The following SPPL2C variants were observed in gnomAD, a reference collection of about 807,000 sequenced individuals.
SPPL2C encodes signal peptide peptidase-like 2C.
Under a neutral mutation model 38.8 loss-of-function variants are expected in SPPL2C, and 33 were observed. That is an observed-to-expected ratio of 0.85 (90% confidence interval 0.64 to 1.14). SPPL2C has a LOEUF of 1.14. Ranked by LOEUF, SPPL2C falls within the 50% of genes most tolerant of loss-of-function variation. The pLI is 0.00. For missense variants in SPPL2C, 899 were observed against 904.4 expected (o/e 0.99, Z 0.08); for synonymous variants, 384 against 390.7 (o/e 0.98, Z 0.20).
Position 45,846,257 on chromosome 17 carries a change from G to A in SPPL2C, c.1351G>A (p.Val451Ile). The change falls in exon 1 of 1, where the codon GTC becomes ATC. Residue 451 changes from valine (V) to isoleucine (I), a missense_variant. Transcript: ENST00000329196. Reference protein sequence around the residue: ...FSILGFGDIVVPGFLVAYCCR... With the variant: ...FSILGFGDIVIPGFLVAYCCR... ...CATCCTTGGCTTCGGTGACATTGTG[G>A]TCCCCGGCTTCCTGGTTGCTTACTG... 6.2e-7 allele frequency: 1 copy of A among 1,614,114 alleles called. No individual in the cohort carries two copies.
Position 45,846,895 on chromosome 17 carries a change from G to A in SPPL2C, c.1989G>A (p.Trp663Ter). The A allele has an allele frequency of 1.2e-6, 2 of 1,604,640 alleles. No homozygotes were observed. Among genetic ancestry groups the A allele is most frequent in the Non-Finnish European group, 1.7e-6 (2 of 1,174,912 alleles). ...AGGCCCACGAGACTGGCCTGCCCTGGGCGGGACTCCACAAGAGGAAGGGTT... is the reference window on the plus strand; with the variant it reads ...AGGCCCACGAGACTGGCCTGCCCTGAGCGGGACTCCACAAGAGGAAGGGTT... ...QAQAHETGLP[W>*]AGLHKRKGLK... The change falls in exon 1 of 1, where the codon TGG becomes TGA. Residue 663 changes from tryptophan to a stop codon, truncating the protein, a stop_gained. Transcript: ENST00000329196. LOFTEE classifies it high-confidence loss of function.
chr17:45,845,497 A>G lies in SPPL2C; in HGVS notation c.591A>G (p.Thr197=), dbSNP rs950773384. 6.2e-7 allele frequency: 1 copy of G among 1,605,130 alleles called. No homozygotes were observed. The highest frequency in any genetic ancestry group is 1.3e-5 in the African/African-American group (1 of 74,890). Reference sequence around the variant, plus strand: ...TCATCTTCATCCTGGCTGTGGGCACAGTGGCTGCAGGCGGCTACTGGGCCG... The same window carrying G: ...TCATCTTCATCCTGGCTGTGGGCACGGTGGCTGCAGGCGGCTACTGGGCCG... ...MLVIFILAVG[T]VAAGGYWAGL... The change falls in exon 1 of 1, where the codon ACA becomes ACG. Residue 197 remains threonine, a synonymous_variant. Coordinates refer to ENST00000329196, the MANE Select transcript of SPPL2C (RefSeq NM_175882.3).
chr17:45,845,908 G>A lies in SPPL2C; in HGVS notation c.1002G>A (p.Val334=), dbSNP rs950020106. Residue 334 remains valine (V), a synonymous_variant, in exon 1 of 1, where the codon GTG becomes GTA. Transcript: ENST00000329196. ...TGCTGGCGAGCCTGTGCGCAACCGT[G>A]ATCATCTTCTGGGTGGCCTACCGCA... ...LLLLASLCAT[V]IIFWVAYRNE... 3 of 1,607,140 alleles carry A rather than the reference G, an allele frequency of 1.9e-6. No individual in the cohort carries two copies. In the African/African-American group the frequency reaches 4.0e-5, roughly 21 times the overall value.
rs374517156 is a variant in SPPL2C at position 45,845,200 on chromosome 17, G to A, written c.294G>A (p.Arg98=). 1 of 1,613,846 alleles carries A rather than the reference G, an allele frequency of 6.2e-7. No homozygotes were observed. The highest frequency in any genetic ancestry group is 8.5e-7 in the Non-Finnish European group (1 of 1,179,880). ...PLRQTTAMVM[R]GNCSFHTKGW... ...GCCAGACCACTGCCATGGTCATGAGGGGTAACTGCAGCTTCCACACGAAAG... is the reference window on the plus strand; with the variant it reads ...GCCAGACCACTGCCATGGTCATGAGAGGTAACTGCAGCTTCCACACGAAAG... Residue 98 remains arginine (R), a synonymous_variant, in exon 1 of 1, where the codon AGG becomes AGA. Transcript: ENST00000329196.
In SPPL2C at chr17:45,845,935, T is replaced by G. The variant is rs768773015; in HGVS notation, c.1029T>G (p.Asn343Lys). 8 of 1,609,226 alleles carry G rather than the reference T, an allele frequency of 5.0e-6. No individual in the cohort carries two copies. The highest frequency in any genetic ancestry group is 6.8e-6 in the Non-Finnish European group (8 of 1,180,002). Residue 343 changes from asparagine (N) to lysine (K), a missense_variant, in exon 1 of 1, where the codon AAT becomes AAG. By Grantham distance (94) the Asn-to-Lys change is moderately conservative. Transcript: ENST00000329196. ...TVIIFWVAYR[N>K]EDRWAWLLQD... is the part of the protein sequence containing the mutation. ...TCATCTTCTGGGTGGCCTACCGCAATGAGGACCGCTGGGCGTGGCTCCTGC... is the reference window on the plus strand; with the variant it reads ...TCATCTTCTGGGTGGCCTACCGCAAGGAGGACCGCTGGGCGTGGCTCCTGC...
At position 45,845,123 on chromosome 17, in the gene SPPL2C, G is replaced by A. The variant is rs144539755; in HGVS notation, c.217G>A (p.Glu73Lys). ...DGTKAPWCPG[E>K]DSPHQAQLRS... Reference sequence around the variant, plus strand: ...CACCAAGGCACCCTGGTGCCCGGGTGAGGATTCCCCCCACCAGGCCCAGCT... The same window carrying A: ...CACCAAGGCACCCTGGTGCCCGGGTAAGGATTCCCCCCACCAGGCCCAGCT... Residue 73 changes from glutamate (E) to lysine (K), a missense_variant, in exon 1 of 1, where the codon GAG becomes AAG. Coordinates refer to ENST00000329196, the MANE Select transcript of SPPL2C (RefSeq NM_175882.3). 40 of 1,610,956 alleles carry A rather than the reference G, an allele frequency of 2.5e-5. No homozygotes were observed. The African/African-American group carries it at 4.4e-4, about 18-fold the overall frequency.
rs1230675606 is a variant in SPPL2C, at chr17:45,846,576, C to T, written c.1670C>T (p.Thr557Ile). The part of the protein sequence containing the change: ...QKQEGAADAH[T>I]ASTLERGTSR... ...CAGGAGGGCGCAGCAGATGCCCACA[C>T]AGCCAGCACACTTGAGAGAGGCACC... The change falls in exon 1 of 1, where the codon ACA becomes ATA. Residue 557 changes from threonine (T) to isoleucine (I), a missense_variant. Thr to Ile is a moderately conservative substitution (Grantham distance 89, BLOSUM62 -1). Transcript: ENST00000329196. 1 of 1,613,660 alleles carries T rather than the reference C, an allele frequency of 6.2e-7. No individual in the cohort carries two copies. Among genetic ancestry groups the T allele is most frequent in the Non-Finnish European group, 8.5e-7 (1 of 1,180,026 alleles).
chr17:45,844,884 T>C lies in SPPL2C; in HGVS notation c.-23T>C, dbSNP rs1166904319. The C allele has an allele frequency of 1.9e-6, 3 of 1,577,810 alleles. No individual in the cohort carries two copies. The highest frequency in any genetic ancestry group is 1.7e-5 in the Admixed American group (1 of 58,184). On this transcript the variant is annotated 5_prime_UTR_variant, in exon 1 of 1. An upstream start codon of the reference 5' UTR is lost. Coordinates refer to ENST00000329196, the MANE Select transcript of SPPL2C (RefSeq NM_175882.3). The stretch of plus-strand genomic sequence containing the variant: ...GGGGTATTGGGCTGCCGCCCGCAGA[T>C]GTTGCAGTAGGAACTGAAGAAGATG...
rs2062533123 is a variant in SPPL2C, at chr17:45,845,591, C to T, written c.685C>T (p.Gln229Ter). ...RRGGGSGGHHQLQEAAAAEGA... is the reference protein window; with the variant it reads ...RRGGGSGGHH Reference sequence around the variant, plus strand: ...AGGAGGGGGGTCTGGTGGTCACCATCAGCTGCAGGAAGCTGCAGCAGCTGA... The same window carrying T: ...AGGAGGGGGGTCTGGTGGTCACCATTAGCTGCAGGAAGCTGCAGCAGCTGA... The change falls in exon 1 of 1, where the codon CAG (glutamine) becomes TAG (stop). Residue 229 changes from glutamine to a stop codon, truncating the protein, a stop_gained. Coordinates refer to ENST00000329196, the MANE Select transcript of SPPL2C (RefSeq NM_175882.3). LOFTEE classifies it high-confidence loss of function. 6.2e-7 allele frequency: 1 copy of T among 1,608,362 alleles called. No homozygotes were observed.
In SPPL2C at chr17:45,845,112, G is replaced by A; in HGVS notation, c.206G>A (p.Trp69Ter). ...LPLYDGTKAP[W>*]CPGEDSPHQA... ...CTGTATGATGGCACCAAGGCACCCT[G>A]GTGCCCGGGTGAGGATTCCCCCCAC... is the stretch of plus-strand genomic sequence containing the variant. Residue 69 changes from tryptophan to a stop codon, truncating the protein, a stop_gained, in exon 1 of 1, where the codon TGG (tryptophan) becomes TAG (stop). Transcript: ENST00000329196. LOFTEE classifies it high-confidence loss of function. The A allele has an allele frequency of 1.2e-6, 2 of 1,612,190 alleles. No individual in the cohort carries two copies. The highest frequency in any genetic ancestry group is 1.7e-6 in the Non-Finnish European group (2 of 1,178,548).
chr17:45,846,296 G>GTGCAA lies in SPPL2C; in HGVS notation c.1391_1395dup (p.Val466CysfsTer41). ...GGTTGCTTACTGTTGCCGCTTTGATGTGCAAGTCTGCTCCCGTCAGATCTA... is the reference window on the plus strand; with the variant it reads ...GGTTGCTTACTGTTGCCGCTTTGATGTGCAATGCAAGTCTGCTCCCGTCAGATCTA... On this transcript the variant is annotated frameshift_variant, in exon 1 of 1. Coordinates refer to ENST00000329196, the MANE Select transcript of SPPL2C (RefSeq NM_175882.3). LOFTEE classifies it high-confidence loss of function. 1 of 1,614,092 alleles carries GTGCAA rather than the reference G, an allele frequency of 6.2e-7. No homozygotes were observed. Among genetic ancestry groups the GTGCAA allele is most frequent in the Non-Finnish European group, 8.5e-7 (1 of 1,180,036 alleles).
At position 45,845,302 on chromosome 17, in the gene SPPL2C, C is replaced by T. The variant is rs752458423; in HGVS notation, c.396C>T (p.Thr132=). 6.2e-6 allele frequency: 10 copies of T among 1,614,012 alleles called. No individual in the cohort carries two copies. The highest frequency in any genetic ancestry group is 8.5e-6 in the Non-Finnish European group (10 of 1,180,008). Residue 132 remains threonine, a synonymous_variant, in exon 1 of 1, where the codon ACC becomes ACT. Coordinates refer to ENST00000329196, the MANE Select transcript of SPPL2C (RefSeq NM_175882.3). ...TCAGTGACCAACAGTGCTCAGACAC[C>T]ACCCTGGCACCCCAGGATCCCCGCC... ...SRVSDQQCSD[T]TLAPQDPRQP...
chr17:45,845,475 T>C lies in SPPL2C; in HGVS notation c.569T>C (p.Ile190Thr). 1 of 1,608,590 alleles carries C rather than the reference T, an allele frequency of 6.2e-7. No homozygotes were observed. The highest frequency in any genetic ancestry group is 8.5e-7 in the Non-Finnish European group (1 of 1,179,040). ...ATCATCGACTACAACATGCTGGTCATCTTCATCCTGGCTGTGGGCACAGTG... is the reference window on the plus strand; with the variant it reads ...ATCATCGACTACAACATGCTGGTCACCTTCATCCTGGCTGTGGGCACAGTG... Reference protein sequence around the residue: ...EPIIDYNMLVIFILAVGTVAA... With the variant: ...EPIIDYNMLVTFILAVGTVAA... The change falls in exon 1 of 1, where the codon ATC (isoleucine) becomes ACC (threonine). Residue 190 changes from isoleucine (I) to threonine (T), a missense_variant. Physicochemically the swap from Ile to Thr is moderately conservative, Grantham distance 89. Coordinates refer to ENST00000329196, the MANE Select transcript of SPPL2C (RefSeq NM_175882.3).
Position 45,846,772 on chromosome 17 carries a change from G to A in SPPL2C, c.1866G>A (p.Ser622=), listed in dbSNP as rs148579659. 3.0e-5 allele frequency: 49 copies of A among 1,614,128 alleles called. No homozygotes were observed. In the African/African-American group the frequency reaches 5.5e-4, roughly 18 times the overall value. ...NELPFIPPGA[S]EELMPLMPMA... ...TGCCCTTCATCCCCCCTGGGGCCTC[G>A]GAGGAGCTGATGCCACTGATGCCAA... The change falls in exon 1 of 1, where the codon TCG becomes TCA. Residue 622 remains serine, a synonymous_variant. Transcript: ENST00000329196.
In SPPL2C at chr17:45,846,383, C is replaced by T. The variant is rs1390709444; in HGVS notation, c.1477C>T (p.Leu493Phe). 2.5e-6 allele frequency: 4 copies of T among 1,613,754 alleles called. No homozygotes were observed. The highest frequency in any genetic ancestry group is 3.4e-6 in the Non-Finnish European group (4 of 1,180,046). ...GCTGGTCACATTCATGGCCATGGTC[C>T]TCATGCAGATGGGCCAACCTGCCTT... ...GLLVTFMAMVLMQMGQPALLY... is the reference protein window; with the variant it reads ...GLLVTFMAMVFMQMGQPALLY... Residue 493 changes from leucine to phenylalanine, a missense_variant, in exon 1 of 1, where the codon CTC (leucine) becomes TTC (phenylalanine). Coordinates refer to ENST00000329196, the MANE Select transcript of SPPL2C (RefSeq NM_175882.3).
At position 45,845,282 on chromosome 17, in the gene SPPL2C, G is replaced by A. The variant is rs776433915; in HGVS notation, c.376G>A (p.Asp126Asn). Residue 126 changes from aspartate to asparagine, a missense_variant, in exon 1 of 1, where the codon GAC becomes AAC. Asp to Asn is a conservative substitution (Grantham distance 23, BLOSUM62 1). Transcript: ENST00000329196. ...GCTGCTCATCGTGAGCCGGGTCAGT[G>A]ACCAACAGTGCTCAGACACCACCCT... ...HGLLIVSRVS[D>N]QQCSDTTLAP... 1.2e-6 allele frequency: 2 copies of A among 1,613,866 alleles called. No individual in the cohort carries two copies. The highest frequency in any genetic ancestry group is 2.7e-5 in the African/African-American group (2 of 74,928).
In SPPL2C at chr17:45,846,413, TACCTAGTGTCCAGC is replaced by T; in HGVS notation, c.1511_1524del (p.Leu504ProfsTer25). 1 of 1,613,376 alleles carries T rather than the reference TACCTAGTGTCCAGC, an allele frequency of 6.2e-7. No homozygotes were observed. The highest frequency in any genetic ancestry group is 8.5e-7 in the Non-Finnish European group (1 of 1,180,030). ...GCAGATGGGCCAACCTGCCTTGCTC[TACCTAGTGTCCAGC>T]ACCCTGCTCACCAGCCTGGCTGTGG... On this transcript the variant is annotated frameshift_variant, in exon 1 of 1. Transcript: ENST00000329196. LOFTEE classifies it high-confidence loss of function.
rs954825666 is a variant in SPPL2C at position 45,845,119 on chromosome 17, G to A, written c.213G>A (p.Pro71=). ...ATGGCACCAAGGCACCCTGGTGCCC[G>A]GGTGAGGATTCCCCCCACCAGGCCC... The part of the protein sequence containing the change: ...LYDGTKAPWC[P]GEDSPHQAQL... The change falls in exon 1 of 1, where the codon CCG becomes CCA. Residue 71 remains proline, a synonymous_variant. Coordinates refer to ENST00000329196, the MANE Select transcript of SPPL2C (RefSeq NM_175882.3). 6.8e-6 allele frequency: 11 copies of A among 1,611,094 alleles called. No homozygotes were observed. The highest frequency in any genetic ancestry group is 1.7e-4 in the Middle Eastern group (1 of 6,046).
In SPPL2C at chr17:45,845,237, C is replaced by T. The variant is rs1338674670; in HGVS notation, c.331C>T (p.Gln111Ter). ...CTTCCACACGAAAGGCTGGCTGGCT[C>T]AGGGCCAAGGTGCCCACGGGCTGCT... is the stretch of plus-strand genomic sequence containing the variant. ...CSFHTKGWLAQGQGAHGLLIV... is the reference protein window; with the variant it reads ...CSFHTKGWLA Residue 111 changes from glutamine (Q) to a stop codon, truncating the protein, a stop_gained, in exon 1 of 1, where the codon CAG (glutamine) becomes TAG (stop). Coordinates refer to ENST00000329196, the MANE Select transcript of SPPL2C (RefSeq NM_175882.3). LOFTEE classifies it high-confidence loss of function. 1 of 1,613,844 alleles carries T rather than the reference C, an allele frequency of 6.2e-7. No homozygotes were observed. The highest frequency in any genetic ancestry group is 1.1e-5 in the South Asian group (1 of 91,072).
Sources: allele counts gnomAD v4.1 joint callset, GRCh38; gene constraint gnomAD v4.1.1; transcripts MANE v1.5; gene names NCBI Gene and HGNC (gene_info 2026-07-23, HGNC 2026-07-21).